The following GLRA2 variants were observed in gnomAD, a reference collection of about 807,000 sequenced individuals.
GLRA2 encodes the protein glycine receptor alpha 2.
A neutral mutation model predicts 31.6 loss-of-function variants in GLRA2; 11 were observed. The observed-to-expected ratio is 0.35, with a 90% CI of 0.22 to 0.58. The LOEUF (loss-of-function observed/expected upper bound fraction) is 0.58, where lower values mean the gene tolerates loss of function less well. GLRA2 is among the 20% of genes least tolerant of loss of function. GLRA2 has a pLI of 0.84. For missense variants in GLRA2, 212 were observed against 351.8 expected, an observed-to-expected ratio of 0.60 and a Z score of 3.18; for synonymous variants, 132 against 134.0, an observed-to-expected ratio of 0.99 and a Z score of 0.10.
chrX:14,549,659 G>A (rs1009445580), intron 2 of GLRA2, among the ~76,000 whole-genome samples: 2 of 111,768 alleles, frequency 1.8e-5, no homozygotes, highest in Non-Finnish European at 3.8e-5. Context: ...CAACTGAGCA[G>A]ACAGTGATTT....
At chrX:14,514,755 A>G in the GLRA2 span, among the ~76,000 whole-genome samples, 2 of 109,312 alleles carry the variant, frequency 1.8e-5, no homozygotes, top group African/African-American at 6.7e-5. Context: ...TCAACTTTTT[A>G]CTCCCTTTAT....
chrX:14,665,679 T>C (rs1392044224), intron 7 of GLRA2, among the ~76,000 whole-genome samples: 1 of 111,972 alleles, frequency 8.9e-6, no homozygotes, highest in Non-Finnish European at 1.9e-5. Context: ...AGACAAAGAA[T>C]GGAGAAAGGC....
At chrX:14,711,241 G>A (rs2091705616) in intron 8 of GLRA2, among the ~76,000 whole-genome samples, 2 of 112,285 alleles carry the variant, frequency 1.8e-5, no homozygotes, top group South Asian at 7.3e-4. Flanking sequence ...CCCTGGGAGG[G>A]TTCCCTTGCC....
At chrX:14,632,612 C>T (rs5935786) in intron 7 of GLRA2, among the ~76,000 whole-genome samples, 25,879 of 110,353 alleles carry the variant, frequency 0.23, 2,271 homozygotes, top group Middle Eastern at 0.26. Flanking sequence ...AAGGTAATAT[C>T]GTTCAACATA....
chrX:14,632,302 A>G (rs1000503266), intron 7 of GLRA2, among the ~76,000 whole-genome samples: 1 of 111,261 alleles, frequency 9.0e-6, no homozygotes, highest in African/African-American at 3.3e-5. Flanking sequence ...TTAAGTGGCA[A>G]TCACTGCCAT....
chrX:14,475,163 AAT>A, the GLRA2 span, among the ~76,000 whole-genome samples: 1 of 112,383 alleles, frequency 8.9e-6, no homozygotes, highest in African/African-American at 3.2e-5. Flanking sequence ...TGATTGCACC[AAT>A]ATATGTTTTC....
intron 4 of GLRA2, among the ~76,000 whole-genome samples, chrX:14,592,522 A>G (rs1327648425): frequency 9.1e-6 from 1 of 110,432 alleles, no homozygotes; most frequent in Non-Finnish European, 1.9e-5. Context: ...ATACAAAAAA[A>G]CTAGCTGGGC....
rs1444427717 is a variant in GLRA2, at chrX:14,558,409, C to T, written c.203-15924C>T. 5.4e-5 allele frequency among the ~76,000 whole-genome samples: 6 copies of T among 111,859 alleles called. No individual in the cohort carries two copies. In the Admixed American group the frequency reaches 5.7e-4, roughly 11 times the overall value. On this transcript the variant is annotated intron_variant, in intron 2 of 8. Transcript: ENST00000218075. ...TTTAAAGTTGACAGGTGGTAATAATCAGAGTTAGTGTTAAAGATAAAACAG... is the reference window on the plus strand; with the variant it reads ...TTTAAAGTTGACAGGTGGTAATAATTAGAGTTAGTGTTAAAGATAAAACAG...
chrX:14,496,836 T>C, the GLRA2 span, among the ~76,000 whole-genome samples: 1 of 111,761 alleles, frequency 8.9e-6, no homozygotes, highest in Non-Finnish European at 1.9e-5. Flanking sequence ...CTGTCTTTAT[T>C]AAGGAATGTG....
chrX:14,467,848 G>GAAA, the GLRA2 span, among the ~76,000 whole-genome samples: 3 of 102,479 alleles, frequency 2.9e-5, no homozygotes, highest in African/African-American at 1.1e-4. Flanking sequence ...TGTAAGGACC[G>GAAA]AAAAAAAAAA....
chrX:14,502,824 C>T, the GLRA2 span, among the ~76,000 whole-genome samples: 2 of 104,417 alleles, frequency 1.9e-5, no homozygotes, highest in African/African-American at 3.5e-5. Context: ...CATTAGACAG[C>T]ACTCCAGCAC....
intron 2 of GLRA2, among the ~76,000 whole-genome samples, chrX:14,570,974 C>G (rs1307567967): frequency 2.7e-5 from 3 of 109,366 alleles, no homozygotes; most frequent in Non-Finnish European, 5.7e-5. Context: ...GGATTGCATA[C>G]TTGAATTATG....
intron 4 of GLRA2, among the ~76,000 whole-genome samples, chrX:14,603,146 T>C (rs1442901046): frequency 1.8e-5 from 2 of 109,865 alleles, no homozygotes; most frequent in African/African-American, 6.6e-5. Flanking sequence ...TATCGCATTG[T>C]GGTTTTGATT....
chrX:14,599,302 C>T (rs1349359677), intron 4 of GLRA2, among the ~76,000 whole-genome samples: 2 of 112,135 alleles, frequency 1.8e-5, no homozygotes, highest in Non-Finnish European at 3.8e-5. Flanking sequence ...GTGCAATGGC[C>T]TTAATATTTC....
intron 7 of GLRA2, among the ~76,000 whole-genome samples, chrX:14,674,790 C>T (rs2091127782): frequency 9.1e-6 from 1 of 109,675 alleles, no homozygotes; most frequent in Admixed American, 9.8e-5. Context: ...CACACACACA[C>T]AAACACACAC....
intron 7 of GLRA2, among the ~76,000 whole-genome samples, chrX:14,663,874 T>C (rs943708457): frequency 1.8e-5 from 2 of 111,430 alleles, no homozygotes; most frequent in Non-Finnish European, 3.8e-5. Context: ...CCAATGTATA[T>C]GTATAAGTTA....
At chrX:14,509,192 A>G in the GLRA2 span, among the ~76,000 whole-genome samples, 2 of 112,376 alleles carry the variant, frequency 1.8e-5, no homozygotes, top group Admixed American at 1.9e-4. Context: ...CCTTAGGGAT[A>G]CAAAAGTAGA....
At chrX:14,581,128 A>G (rs2147065369) in intron 3 of GLRA2, 55 bp from the exon 4 acceptor site, 1 of 728,240 alleles carries the variant, frequency 1.4e-6, no homozygotes. Flanking sequence ...GAGAAATGCA[A>G]ATAGAACTCC....
intron 7 of GLRA2, among the ~76,000 whole-genome samples, chrX:14,627,706 A>G (rs998765126): frequency 9.0e-6 from 1 of 111,504 alleles, no homozygotes; most frequent in African/African-American, 3.3e-5. Context: ...ACTCTTTCGT[A>G]TGGAAAGGGT....
Sources: allele counts gnomAD v4.1 joint callset (sites outside exome capture counted in the v4.1 genomes callset), GRCh38; gene constraint gnomAD v4.1.1; transcripts MANE v1.5; gene names NCBI Gene and HGNC (gene_info 2026-07-23, HGNC 2026-07-21).